NARS2: variants seen among roughly 807,000 people sequenced by gnomAD.
NARS2 encodes asparaginyl-tRNA synthetase 2, mitochondrial, also known as asparaginyl-tRNA synthetase.
NARS2 carries 60 observed loss-of-function variants against 62.9 expected under a neutral mutation model. The ratio of observed to expected loss-of-function variants is 0.95; its 90% confidence interval spans 0.77 to 1.18. NARS2 has a LOEUF of 1.18. Among genes scored for constraint, NARS2 ranks in the 50% most tolerant of loss-of-function variants. The pLI is 0.00. For synonymous variants in NARS2, 196 were observed against 200.0 expected, an observed-to-expected ratio of 0.98 and a Z score of 0.17; for missense variants, 619 against 576.4, an observed-to-expected ratio of 1.07 and a Z score of -0.76.
At chr11:78,545,193 A>G (rs1565273253) in intron 5 of NARS2, among the ~76,000 whole-genome samples, 2 of 152,226 alleles carry the variant, frequency 1.3e-5, no homozygotes, top group East Asian at 3.8e-4. Context: ...TAAAAAGTTT[A>G]TATCATCTAC....
At chr11:78,501,688 A>C (rs1860288032) in intron 6 of NARS2, among the ~76,000 whole-genome samples, 1 of 152,200 alleles carries the variant, frequency 6.6e-6, no homozygotes, top group Non-Finnish European at 1.5e-5. Context: ...AAATTTTGAA[A>C]ATAAAAAATA....
chr11:78,463,745 A>G (rs1858493524), intron 11 of NARS2, among the ~76,000 whole-genome samples: 1 of 146,464 alleles, frequency 6.8e-6, no homozygotes, highest in Non-Finnish European at 1.5e-5. Flanking sequence ...AAACCACAGG[A>G]CAAGAAACGG....
chr11:78,503,007 A>AG (rs1358732400), intron 6 of NARS2, among the ~76,000 whole-genome samples: 13 of 151,040 alleles, frequency 8.6e-5, no homozygotes, highest in Non-Finnish European at 1.5e-5. Flanking sequence ...AAAAAAAAAA[A>AG]AAAGGTTGAA....
At chr11:78,543,286 G>A (rs912701850) in intron 5 of NARS2, among the ~76,000 whole-genome samples, 1 of 152,186 alleles carries the variant, frequency 6.6e-6, no homozygotes, top group Non-Finnish European at 1.5e-5. Context: ...AGATCAAAGT[G>A]TCTCTTGAAG....
In NARS2 at chr11:78,512,782, T is replaced by A. The variant is rs75670561; in HGVS notation, c.689+16060A>T. Among the ~76,000 whole-genome samples, 10 of 152,306 alleles carry A rather than the reference T, an allele frequency of 6.6e-5. No individual in the cohort carries two copies. In the South Asian group the frequency reaches 8.3e-4, roughly 13 times the overall value. On this transcript the variant is annotated intron_variant, in intron 6 of 13. Coordinates refer to ENST00000281038, the MANE Select transcript of NARS2 (RefSeq NM_024678.6). ...TCTTTTAAAAAATTTTAAAATTTTT[T>A]AAATATTTTTAATTTTTGTGAATAC...
At chr11:78,450,970 T>A (rs1857952010) in intron 11 of NARS2, among the ~76,000 whole-genome samples, 2 of 152,210 alleles carry the variant, frequency 1.3e-5, no homozygotes, top group African/African-American at 4.8e-5. Context: ...CGTGAGCCAC[T>A]GTGCCCAGCC....
At chr11:78,482,134 A>G (rs1350473973) in intron 7 of NARS2, among the ~76,000 whole-genome samples, 3 of 152,192 alleles carry the variant, frequency 2.0e-5, no homozygotes, top group Non-Finnish European at 2.9e-5. Context: ...CAAAAGAAAT[A>G]TTAATAATTA....
intron 9 of NARS2, among the ~76,000 whole-genome samples, chr11:78,470,463 C>A (rs1449816858): frequency 2.0e-5 from 3 of 151,834 alleles, no homozygotes; most frequent in Non-Finnish European, 2.9e-5. Context: ...GTAAATAATA[C>A]ACAATCTTCC....
At position 78,557,089 on chromosome 11, in the gene NARS2, A is replaced by G. The variant is rs190821998; in HGVS notation, c.594+2450T>C. Among the ~76,000 whole-genome samples the G allele has an allele frequency of 1.2e-4, 18 of 152,304 alleles. No individual in the cohort carries two copies. In the East Asian group the frequency reaches 3.5e-3, roughly 29 times the overall value. On this transcript the variant is annotated intron_variant, in intron 5 of 13. Coordinates refer to ENST00000281038, the MANE Select transcript of NARS2 (RefSeq NM_024678.6). ...TAGTCCCCAAACCTTAACAAATATC[A>G]AAGTAGGAAATGGAGATGAGGGAAA...
At chr11:78,568,056 T>G (rs369361643) in intron 3 of NARS2, among the ~76,000 whole-genome samples, 1 of 152,250 alleles carries the variant, frequency 6.6e-6, no homozygotes, top group Non-Finnish European at 1.5e-5. Context: ...CATGTCTTAA[T>G]ACAGAATTTC....
At chr11:78,530,318 T>C (rs930112205) in intron 5 of NARS2, among the ~76,000 whole-genome samples, 6 of 152,202 alleles carry the variant, frequency 3.9e-5, no homozygotes, top group African/African-American at 1.2e-4. Context: ...AAAGAATTGC[T>C]TTCCGAAATG....
Position 78,562,485 on chromosome 11 carries a change from G to C in NARS2, c.514-2866C>G, listed in dbSNP as rs147748197. ...GTCAGTGGCAGGCTTTGAAAACGCT[G>C]CCATACAGAGAAGAACAATCCCTGA... is the stretch of plus-strand genomic sequence containing the variant. On this transcript the variant is annotated intron_variant, in intron 4 of 13. Transcript: ENST00000281038. 6.4e-3 allele frequency among the ~76,000 whole-genome samples: 968 copies of C among 152,166 alleles called. 6 individuals are homozygous for C. Among genetic ancestry groups the C allele is most frequent in the African/African-American group, 0.022 (921 of 41,502 alleles).
At chr11:78,543,787 C>CT (rs1193461842) in intron 5 of NARS2, among the ~76,000 whole-genome samples, 2 of 152,080 alleles carry the variant, frequency 1.3e-5, no homozygotes, top group Non-Finnish European at 2.9e-5. Flanking sequence ...AATCCTAGCA[C>CT]TTTGGGAGGC....
At chr11:78,470,222 C>A (rs774319800) in intron 9 of NARS2, among the ~76,000 whole-genome samples, 1 of 152,138 alleles carries the variant, frequency 6.6e-6, no homozygotes, top group Non-Finnish European at 1.5e-5. Context: ...AATACTGATT[C>A]TCTCCATGAG....
At chr11:78,571,781 C>A (rs1168512563) in intron 1 of NARS2, 4 of 194,974 alleles carry the variant, frequency 2.1e-5, no homozygotes, top group Non-Finnish European at 4.3e-5. Context: ...TCTGGCCCAA[C>A]AATAAATAAC....
At chr11:78,451,211 A>G (rs1229155484) in intron 11 of NARS2, among the ~76,000 whole-genome samples, 1 of 152,250 alleles carries the variant, frequency 6.6e-6, no homozygotes, top group African/African-American at 2.4e-5. Context: ...TTCTTCTGGT[A>G]TATCAAAAAT....
intron 6 of NARS2, among the ~76,000 whole-genome samples, chr11:78,505,268 AT>A (rs2135370164): frequency 2.9e-5 from 2 of 68,534 alleles, no homozygotes; most frequent in Non-Finnish European, 2.9e-5. Context: ...AGAAAACAAA[AT>A]ACACACACAC....
intron 1 of NARS2, chr11:78,571,693 C>T: frequency 2.7e-6 from 1 of 375,118 alleles, no homozygotes. Flanking sequence ...AACATTCCTT[C>T]ATGTTGATGA....
At chr11:78,481,892 A>G (rs1230061195) in intron 7 of NARS2, among the ~76,000 whole-genome samples, 4 of 152,222 alleles carry the variant, frequency 2.6e-5, no homozygotes, top group Non-Finnish European at 4.4e-5. Context: ...AAAAAAGTGT[A>G]TATCACAATT....
Sources: allele counts gnomAD v4.1 joint callset (sites outside exome capture counted in the v4.1 genomes callset), GRCh38; gene constraint gnomAD v4.1.1; transcripts MANE v1.5; gene names NCBI Gene and HGNC (gene_info 2026-07-23, HGNC 2026-07-21).